The following NEGR1 variants were observed in gnomAD, a reference collection of about 807,000 sequenced individuals.
NEGR1 encodes neuronal growth regulator 1, also known as IgLON family member 4.
In NEGR1, 10 loss-of-function variants were observed where a neutral mutation model predicts 40.9. The observed-to-expected ratio is 0.24, with a 90% confidence interval of 0.15 to 0.42. The LOEUF (loss-of-function observed/expected upper bound fraction) is 0.42. Ranked by LOEUF, NEGR1 falls within the 10% of genes least tolerant of loss-of-function variation. The probability of loss-of-function intolerance (pLI) is 1.00; values close to 1 mark genes in which losing one functional copy is unlikely to be tolerated. For missense variants in NEGR1, 352 were observed against 438.9 expected (o/e 0.80, Z 1.77); for synonymous variants, 185 against 166.8 (o/e 1.11, Z -0.84).
chr1:72,061,047 A>G (rs910721726), intron 1 of NEGR1, among the ~76,000 whole-genome samples: 3 of 151,646 alleles, frequency 2.0e-5, no homozygotes, highest in African/African-American at 7.3e-5. Context: ...ATAAAGGGAG[A>G]CTTGTGGATT....
chr1:71,715,592 A>G (rs1252137204), intron 3 of NEGR1, among the ~76,000 whole-genome samples: 1 of 152,174 alleles, frequency 6.6e-6, no homozygotes, highest in Non-Finnish European at 1.5e-5. Flanking sequence ...CTTTGCTGCT[A>G]GAAACTTCTT....
intron 2 of NEGR1, among the ~76,000 whole-genome samples, chr1:71,811,313 G>GAATAA (rs1657993070): frequency 6.6e-6 from 1 of 151,852 alleles, no homozygotes; most frequent in African/African-American, 2.4e-5. Flanking sequence ...TATTAATAAA[G>GAATAA]GAATTCAGGC....
intron 2 of NEGR1, among the ~76,000 whole-genome samples, chr1:71,802,531 G>A (rs1238675942): frequency 6.6e-6 from 1 of 152,192 alleles, no homozygotes; most frequent in Non-Finnish European, 1.5e-5. Context: ...ACTTCTCAGA[G>A]AGGGTGGGGC....
At chr1:72,172,879 ATCTCTCTGGT>A (rs1309854973) in intron 1 of NEGR1, among the ~76,000 whole-genome samples, 5 of 151,914 alleles carry the variant, frequency 3.3e-5, no homozygotes, top group African/African-American at 7.3e-5. Flanking sequence ...CCATATTGCC[ATCTCTCTGGT>A]TCTCTCTGGT....
At chr1:72,201,342 ACAT>A (rs1326434900) in intron 1 of NEGR1, among the ~76,000 whole-genome samples, 1 of 151,302 alleles carries the variant, frequency 6.6e-6, no homozygotes, top group Non-Finnish European at 1.5e-5. Context: ...ATTTTATTTT[ACAT>A]CATATTTACA....
chr1:71,586,277 A>C (rs546818074), intron 6 of NEGR1, among the ~76,000 whole-genome samples: 109 of 152,222 alleles, frequency 7.2e-4, no homozygotes, highest in African/African-American at 2.5e-3. Flanking sequence ...AAAGTGAAAA[A>C]ACTGGTTTAG....
At chr1:71,555,971 T>A (rs3120033) in intron 6 of NEGR1, among the ~76,000 whole-genome samples, 2 of 151,264 alleles carry the variant, frequency 1.3e-5, no homozygotes, top group Admixed American at 1.3e-4. Flanking sequence ...TTTAGTAAAA[T>A]GTATTTTCTA....
intron 1 of NEGR1, among the ~76,000 whole-genome samples, chr1:72,149,996 T>G (rs1277988142): frequency 1.3e-5 from 2 of 151,390 alleles, no homozygotes; most frequent in Non-Finnish European, 2.9e-5. Flanking sequence ...AACTTGAATA[T>G]CAGACTTATG....
At chr1:72,062,203 T>G (rs1226149284) in intron 1 of NEGR1, among the ~76,000 whole-genome samples, 1 of 151,878 alleles carries the variant, frequency 6.6e-6, no homozygotes, top group Non-Finnish European at 1.5e-5. Flanking sequence ...CACCTCTGTT[T>G]ATTTTGTCTC....
rs150799996 is a variant in NEGR1, at chr1:71,863,194, A to G, written c.409+71885T>C. 5.3e-3 allele frequency among the ~76,000 whole-genome samples: 813 copies of G among 152,244 alleles called. 10 individuals carry two copies. The highest frequency in any genetic ancestry group is 0.019 in the African/African-American group (779 of 41,550). On this transcript the variant is annotated intron_variant, in intron 2 of 6. Transcript: ENST00000357731. ...TTCACAACAGCAAAGACATGGAATC[A>G]CTCCAAATGCCCATCAATGATAGAC...
intron 1 of NEGR1, among the ~76,000 whole-genome samples, chr1:72,027,795 G>A (rs1206782426): frequency 6.6e-6 from 1 of 152,156 alleles, no homozygotes; most frequent in Non-Finnish European, 1.5e-5. Context: ...TACTCAAAGG[G>A]TGATCCCTGG....
At chr1:72,122,455 G>A (rs1649839404) in intron 1 of NEGR1, among the ~76,000 whole-genome samples, 1 of 151,998 alleles carries the variant, frequency 6.6e-6, no homozygotes, top group South Asian at 2.1e-4. Context: ...GTAACTTTAT[G>A]CTTTTTCACA....
At chr1:72,152,880 G>A (rs899676281) in intron 1 of NEGR1, among the ~76,000 whole-genome samples, 20 of 151,890 alleles carry the variant, frequency 1.3e-4, no homozygotes, top group Non-Finnish European at 2.2e-4. Flanking sequence ...TTAACGCAGG[G>A]ACAGAAAACT....
chr1:72,037,195 T>G (rs1646910980), intron 1 of NEGR1, among the ~76,000 whole-genome samples: 1 of 152,170 alleles, frequency 6.6e-6, no homozygotes, highest in Admixed American at 6.5e-5. Flanking sequence ...TGAGACTGAC[T>G]CTGTACTATA....
At chr1:71,953,497 C>T (rs1447852898) in intron 1 of NEGR1, among the ~76,000 whole-genome samples, 1 of 151,924 alleles carries the variant, frequency 6.6e-6, no homozygotes, top group Non-Finnish European at 1.5e-5. Flanking sequence ...GAAATGACAA[C>T]AGAGGATTTA....
At chr1:71,796,213 C>G (rs1020849617) in intron 2 of NEGR1, among the ~76,000 whole-genome samples, 1 of 152,114 alleles carries the variant, frequency 6.6e-6, no homozygotes, top group Non-Finnish European at 1.5e-5. Context: ...TCTGTGTGTA[C>G]TTTCCACTCC....
intron 1 of NEGR1, among the ~76,000 whole-genome samples, chr1:72,008,761 T>TA (rs1343145105): frequency 6.6e-6 from 1 of 151,944 alleles, no homozygotes; most frequent in Non-Finnish European, 1.5e-5. Context: ...CTGATGATAA[T>TA]AAAAAAAGAT....
chr1:71,414,465 G>A (rs758677013), intron 6 of NEGR1, among the ~76,000 whole-genome samples: 11 of 152,046 alleles, frequency 7.2e-5, no homozygotes, highest in Non-Finnish European at 1.6e-4. Context: ...CTTTTCCACT[G>A]GTATATAAAT....
chr1:71,517,545 C>A (rs1449258148), intron 6 of NEGR1, among the ~76,000 whole-genome samples: 2 of 142,898 alleles, frequency 1.4e-5, no homozygotes, highest in African/African-American at 5.6e-5. Flanking sequence ...GCTAAAAACT[C>A]TCAATAAATT....
Sources: allele counts gnomAD v4.1 joint callset (sites outside exome capture counted in the v4.1 genomes callset), GRCh38; gene constraint gnomAD v4.1.1; transcripts MANE v1.5; gene names NCBI Gene and HGNC (gene_info 2026-07-23, HGNC 2026-07-21).